SLCO1A2: variants seen among roughly 807,000 people sequenced by gnomAD.
SLCO1A2 encodes the protein solute carrier organic anion transporter family member 1A2.
SLCO1A2 carries 67 observed loss-of-function variants against 69.0 expected under a neutral mutation model. The observed-to-expected ratio is 0.97, with a 90% CI of 0.80 to 1.19. The LOEUF (loss-of-function observed/expected upper bound fraction) is 1.19, where lower values mean the gene tolerates loss of function less well. SLCO1A2 is among the 50% of genes most tolerant of loss of function. The pLI is 0.00. For synonymous variants in SLCO1A2, 260 were observed against 265.9 expected, an observed-to-expected ratio of 0.98 and a Z score of 0.22; for missense variants, 787 against 793.7, an observed-to-expected ratio of 0.99 and a Z score of 0.10.
Position 21,269,355 on chromosome 12 carries a change from C to A in SLCO1A2, c.*193G>T. 2.3e-6 allele frequency: 1 copy of A among 430,034 alleles called. No individual in the cohort carries two copies. The highest frequency in any genetic ancestry group is 4.1e-6 in the Non-Finnish European group (1 of 243,720). The allele number at this position is 430,034 out of a possible 1,614,324, so 26.6% of individuals were successfully genotyped here. On this transcript the variant is annotated 3_prime_UTR_variant, in exon 15 of 15. Transcript: ENST00000683939. The stretch of plus-strand genomic sequence containing the variant: ...TCTTTAGGGGGCTGTTATTGATGTC[C>A]CTCCTAGGAAAACTCAAGTGTCACT...
At chr12:21,351,336 T>C (rs914862465) in intron 2 of SLCO1A2, among the ~76,000 whole-genome samples, 6 of 152,230 alleles carry the variant, frequency 3.9e-5, no homozygotes, top group Admixed American at 6.5e-5. Context: ...GTGTGGTCTA[T>C]AGTCCACCTG....
At chr12:21,352,324 G>C (rs1423958374) in intron 2 of SLCO1A2, among the ~76,000 whole-genome samples, 1 of 152,126 alleles carries the variant, frequency 6.6e-6, no homozygotes, top group Non-Finnish European at 1.5e-5. Context: ...GCCCTATAGG[G>C]CTTTAGTCTT....
At chr12:21,407,819 ATG>A (rs1491007746) in intron 1 of SLCO1A2, among the ~76,000 whole-genome samples, 445 of 30,324 alleles carry the variant, frequency 0.015, 2 homozygotes, top group African/African-American at 0.035. Context: ...ATAAAAATAA[ATG>A]AAAAAAAAAA....
At position 21,365,709 on chromosome 12, in the gene SLCO1A2, A is replaced by C. The variant is rs577909881; in HGVS notation, c.-63+8690T>G. On this transcript the variant is annotated intron_variant, in intron 2 of 15. Transcript: ENST00000307378. ...CTTAAACAAATTTACAAGAAAAAAA[A>C]CAAACAACCCCATTAAAAAGTGGGT... Among the ~76,000 whole-genome samples the C allele has an allele frequency of 9.3e-4, 141 of 152,298 alleles. 1 individual carries two copies. Among genetic ancestry groups the C allele is most frequent in the African/African-American group, 3.2e-3 (131 of 41,566 alleles).
At chr12:21,373,618 T>C (rs1478214501) in intron 2 of SLCO1A2, 2 of 700,300 alleles carry the variant, frequency 2.9e-6, no homozygotes, top group Non-Finnish European at 5.2e-6. Context: ...GGCAAATAAA[T>C]ATCTTTGATG....
chr12:21,412,513 A>G (rs1941923794), intron 1 of SLCO1A2, among the ~76,000 whole-genome samples: 1 of 152,186 alleles, frequency 6.6e-6, no homozygotes, highest in Non-Finnish European at 1.5e-5. Flanking sequence ...ATGAAATGAT[A>G]TTTGTAGTCT....
At chr12:21,298,524 T>C (rs561696944) in intron 8 of SLCO1A2, among the ~76,000 whole-genome samples, 8 of 152,138 alleles carry the variant, frequency 5.3e-5, no homozygotes, top group African/African-American at 1.9e-4. Context: ...GAACAAAATT[T>C]CAATAAATAA....
intron 2 of SLCO1A2, among the ~76,000 whole-genome samples, chr12:21,359,969 C>T (rs1488639896): frequency 6.6e-6 from 1 of 151,748 alleles, no homozygotes; most frequent in East Asian, 1.9e-4. Flanking sequence ...TTAAAATATG[C>T]ACATGGATAC....
intron 3 of SLCO1A2, among the ~76,000 whole-genome samples, chr12:21,318,386 T>C (rs1210957210): frequency 6.6e-6 from 1 of 152,196 alleles, no homozygotes; most frequent in African/African-American, 2.4e-5. Flanking sequence ...CCCAAAGTGC[T>C]GGGAGTACAG....
rs755244779 is a variant in SLCO1A2, at chr12:21,274,574, G to A, written c.1688C>T (p.Ala563Val). 2.4e-5 allele frequency: 39 copies of A among 1,605,394 alleles called. No individual in the cohort carries two copies. The Admixed American group carries it at 6.5e-4, about 27-fold the overall frequency. ...CATTAAAGCGCCAAAATATATAGGT[G>A]CAGGAATGCCAGCTACAATTGACAG... is the stretch of plus-strand genomic sequence containing the variant. ...FCTRVFAGIPAPIYFGALMDS... is the reference protein window; with the variant it reads ...FCTRVFAGIPVPIYFGALMDS... The change falls in exon 14 of 15, where the codon GCA (alanine) becomes GTA (valine). Residue 563 changes from alanine (A) to valine (V), a missense_variant. Physicochemically the swap from Ala to Val is moderately conservative, Grantham distance 64. Coordinates refer to ENST00000683939, the MANE Select transcript of SLCO1A2 (RefSeq NM_001386879.1).
chr12:21,335,248 G>C (rs367733234), upstream of SLCO1A2, among the ~76,000 whole-genome samples: 5 of 151,894 alleles, frequency 3.3e-5, no homozygotes, highest in Admixed American at 2.6e-4. Flanking sequence ...GGGAGACACG[G>C]AATTTTAATC....
chr12:21,355,399 G>C (rs149770486), intron 2 of SLCO1A2, among the ~76,000 whole-genome samples: 12 of 152,212 alleles, frequency 7.9e-5, no homozygotes, highest in African/African-American at 2.6e-4. Flanking sequence ...AAGAAATCTC[G>C]AAGTGTGAGG....
intron 1 of SLCO1A2, among the ~76,000 whole-genome samples, chr12:21,377,760 C>A (rs1940307625): frequency 6.6e-6 from 1 of 152,188 alleles, no homozygotes; most frequent in Non-Finnish European, 1.5e-5. Context: ...TCTTGCATAA[C>A]ACTCCTGATT....
At chr12:21,417,766 G>A (rs1157007445) in intron 1 of SLCO1A2, 1 of 152,102 alleles carries the variant, frequency 6.6e-6, no homozygotes, top group Non-Finnish European at 1.5e-5. Context: ...TTCCTAAACT[G>A]TTTGGGAGAA....
At position 21,266,528 on chromosome 12, in the gene SLCO1A2, T is replaced by C. The variant is rs1942081665; in HGVS notation, c.*3020A>G. On this transcript the variant is annotated 3_prime_UTR_variant, in exon 15 of 15. Transcript: ENST00000683939. ...TCAATGTAGATAAATAATATTTATT[T>C]CATAATAATAAATGATTCTGATGGC... The C allele has an allele frequency of 6.6e-6, 1 of 152,092 alleles. No homozygotes were observed. Among genetic ancestry groups the C allele is most frequent in the Non-Finnish European group, 1.5e-5 (1 of 68,020 alleles). The allele number at this position is 152,092 out of a possible 1,614,324, so 9.4% of individuals were successfully genotyped here.
chr12:21,303,073 AT>A (rs1357690370), intron 6 of SLCO1A2, among the ~76,000 whole-genome samples: 1 of 151,208 alleles, frequency 6.6e-6, no homozygotes, highest in Non-Finnish European at 1.5e-5. Context: ...GTGTAGAGCT[AT>A]TTGATTTATA....
intron 2 of SLCO1A2, among the ~76,000 whole-genome samples, chr12:21,353,561 C>A (rs923632299): frequency 5.9e-5 from 9 of 152,118 alleles, no homozygotes; most frequent in Non-Finnish European, 8.8e-5. Flanking sequence ...CTGTGATGCA[C>A]CTGATTATAT....
intron 2 of SLCO1A2, among the ~76,000 whole-genome samples, chr12:21,345,898 C>T (rs534079415): frequency 1.3e-5 from 2 of 151,754 alleles, no homozygotes; most frequent in South Asian, 4.1e-4. Context: ...AGGCTTATTG[C>T]TTTTTTGTGA....
At chr12:21,416,646 C>T (rs113744881) in intron 1 of SLCO1A2, among the ~76,000 whole-genome samples, 5 of 151,818 alleles carry the variant, frequency 3.3e-5, no homozygotes, top group African/African-American at 7.3e-5. Flanking sequence ...CTCATGACAT[C>T]GGACAGGCTA....
Sources: allele counts gnomAD v4.1 joint callset (sites outside exome capture counted in the v4.1 genomes callset), GRCh38; gene constraint gnomAD v4.1.1; transcripts MANE v1.5; gene names NCBI Gene and HGNC (gene_info 2026-07-23, HGNC 2026-07-21).